Variants in PADI1 observed in about 807,000 individuals in gnomAD.
The protein encoded by PADI1 is peptidyl arginine deiminase 1.
PADI1 carries 65 observed loss-of-function variants against 74.8 expected under a neutral mutation model. That is an observed-to-expected ratio of 0.87 (90% CI 0.71 to 1.07). The LOEUF (loss-of-function observed/expected upper bound fraction) is 1.07, where lower values mean the gene tolerates loss of function less well. Ranked by LOEUF, PADI1 falls within the 50% of genes least tolerant of loss-of-function variation. The probability of loss-of-function intolerance (pLI) is 0.00; values close to 1 mark genes in which losing one functional copy is unlikely to be tolerated. For missense variants in PADI1, 943 were observed against 854.0 expected, an observed-to-expected ratio of 1.10 and a Z score of -1.30; for synonymous variants, 371 against 336.2, an observed-to-expected ratio of 1.10 and a Z score of -1.13.
intron 2 of PADI1, chr1:17,223,412 G>C: frequency 1.7e-6 from 1 of 576,342 alleles, no homozygotes; most frequent in South Asian, 2.0e-5. Context: ...ACCTGCTCTG[G>C]GAACCAAGGT....
In PADI1 at chr1:17,238,841, C is replaced by T. The variant is rs1373846525; in HGVS notation, c.1552+132C>T. On this transcript the variant is annotated intron_variant, in intron 13 of 15. Coordinates refer to ENST00000375471, the MANE Select transcript of PADI1 (RefSeq NM_013358.3). Reference sequence around the variant, plus strand: ...CACCCACTCTCTGTTTCTTGGGTCCCCAGGTCCTCTGATGGGTGGGGGAGT... The same window carrying T: ...CACCCACTCTCTGTTTCTTGGGTCCTCAGGTCCTCTGATGGGTGGGGGAGT... 5.1e-5 allele frequency: 23 copies of T among 450,644 alleles called. No individual in the cohort carries two copies. The South Asian group carries it at 1.6e-3, about 31-fold the overall frequency. The allele number at this position is 450,644 out of a possible 1,614,324, so 27.9% of individuals were successfully genotyped here.
chr1:17,232,977 G>T lies in PADI1; in HGVS notation c.1313+7G>T. On this transcript the variant is annotated splice_region_variant and intron_variant, in intron 11 of 15. Transcript: ENST00000375471. The stretch of plus-strand genomic sequence containing the variant: ...TCGGGAGCAGCTTCCCCAAGTGAGG[G>T]GCTGGGGCGGGAGGTGGGGAGGCAC... 6.3e-7 allele frequency: 1 copy of T among 1,594,946 alleles called. No individual in the cohort carries two copies.
intron 7 of PADI1, 61 bp downstream of exon 7, chr1:17,228,858 G>C: frequency 3.8e-6 from 6 of 1,598,230 alleles, no homozygotes; most frequent in South Asian, 3.3e-5. Flanking sequence ...CAGTTTGCAG[G>C]CTCCAGGGCT....
At position 17,206,688 on chromosome 1, in the gene PADI1, T is replaced by C. The variant is rs1262382457; in HGVS notation, c.92+1379T>C. On this transcript the variant is annotated intron_variant, in intron 1 of 15. Transcript: ENST00000375471. ...GAAGTCTTTTTTTTCTTTTTCTTTTTTTTTTTTTTTTTTTTTGAGATGGAG... is the reference window on the plus strand; with the variant it reads ...GAAGTCTTTTTTTTCTTTTTCTTTTCTTTTTTTTTTTTTTTTGAGATGGAG... Among the ~76,000 whole-genome samples, 63 of 129,528 alleles carry C rather than the reference T, an allele frequency of 4.9e-4. No homozygotes were observed. In the Middle Eastern group the frequency reaches 0.011, roughly 22 times the overall value. The allele number at this position is 129,528 out of a possible 152,430, so 85.0% of individuals were successfully genotyped here.
chr1:17,207,250 C>G (rs1445652194), intron 1 of PADI1, among the ~76,000 whole-genome samples: 2 of 152,144 alleles, frequency 1.3e-5, no homozygotes, highest in Non-Finnish European at 2.9e-5. Flanking sequence ...GTCACTTGTC[C>G]TCTCTGGGTT....
intron 1 of PADI1, 40 bp downstream of exon 1, chr1:17,205,349 G>A (rs1185336282): frequency 6.5e-7 from 1 of 1,538,380 alleles, no homozygotes; most frequent in African/African-American, 1.4e-5. Flanking sequence ...CAGAGAGCTG[G>A]GTTAGAGTGT....
At chr1:17,233,041 A>C (rs2072541384) in intron 11 of PADI1, 71 bp downstream of exon 11, 2 of 1,347,822 alleles carry the variant, frequency 1.5e-6, no homozygotes, top group South Asian at 2.9e-5. Flanking sequence ...CTGTGCCCCC[A>C]TCACAAACAC....
intron 9 of PADI1, 45 bp downstream of exon 9, chr1:17,230,253 G>C (rs1173583075): frequency 6.3e-7 from 1 of 1,594,804 alleles, no homozygotes; most frequent in East Asian, 2.2e-5. Context: ...CTGGCTTGGG[G>C]AAAGGGAAGC....
intron 1 of PADI1, among the ~76,000 whole-genome samples, chr1:17,206,686 T>C (rs56339839): frequency 0.14 from 13,331 of 97,514 alleles, 424 homozygotes; most frequent in Middle Eastern, 0.17. Context: ...TCTTTTTCTT[T>C]TTTTTTTTTT....
intron 1 of PADI1, among the ~76,000 whole-genome samples, chr1:17,209,879 C>T (rs892827962): frequency 3.9e-5 from 6 of 152,076 alleles, no homozygotes; most frequent in African/African-American, 1.4e-4. Flanking sequence ...GAGATGGAGT[C>T]TCACTCTGTT....
At chr1:17,230,422 G>A (rs922699373) in intron 9 of PADI1, 150 bp from the exon 10 acceptor site, 8 of 720,542 alleles carry the variant, frequency 1.1e-5, no homozygotes, top group Admixed American at 2.9e-5. Flanking sequence ...CCTGGCTGGG[G>A]TCCTAAGAGG....
intron 11 of PADI1, among the ~76,000 whole-genome samples, chr1:17,235,334 G>T (rs2072616365): frequency 6.6e-6 from 1 of 151,922 alleles, no homozygotes; most frequent in Non-Finnish European, 1.5e-5. Flanking sequence ...AGTGGACCAT[G>T]TTGCAGGCAG....
Position 17,223,607 on chromosome 1 carries a change from G to A in PADI1, c.274-14G>A. The A allele has an allele frequency of 6.2e-7, 1 of 1,610,618 alleles. No homozygotes were observed. Among genetic ancestry groups the A allele is most frequent in the South Asian group, 1.1e-5 (1 of 91,032 alleles). On this transcript the variant is annotated splice_polypyrimidine_tract_variant and intron_variant, in intron 2 of 15. Coordinates refer to ENST00000375471, the MANE Select transcript of PADI1 (RefSeq NM_013358.3). ...AAGGTGATGGCCGTGCAGGCTTAGG[G>A]CTATGTTCTGCAGGTGAGGGTCTCC...
rs764817357 is a variant in PADI1, at chr1:17,244,104, C to T, written c.1853C>T (p.Ser618Phe). 2 of 1,614,238 alleles carry T rather than the reference C, an allele frequency of 1.2e-6. No individual in the cohort carries two copies. Among genetic ancestry groups the T allele is most frequent in the Non-Finnish European group, 8.5e-7 (1 of 1,180,020 alleles). ...GRCCLEEKVQSLLEPLGLHCI... is the reference protein window; with the variant it reads ...GRCCLEEKVQFLLEPLGLHCI... ...TGCTGCCTGGAGGAGAAGGTGCAGT[C>T]CCTGCTGGAGCCTCTGGGCCTGCAC... The change falls in exon 16 of 16, where the codon TCC becomes TTC. Residue 618 changes from serine (S) to phenylalanine (F), a missense_variant. Coordinates refer to ENST00000375471, the MANE Select transcript of PADI1 (RefSeq NM_013358.3).
At chr1:17,229,138 CACCG>C (rs2072414609) in intron 8 of PADI1, 87 bp downstream of exon 8, 1 of 805,536 alleles carries the variant, frequency 1.2e-6, no homozygotes, top group Non-Finnish European at 2.0e-6. Flanking sequence ...CCCTCACTCA[CACCG>C]ACGGATTCAT....
At chr1:17,221,544 G>T (rs1202015246) in intron 1 of PADI1, among the ~76,000 whole-genome samples, 1 of 151,994 alleles carries the variant, frequency 6.6e-6, no homozygotes, top group Non-Finnish European at 1.5e-5. Flanking sequence ...TGGGCAAGGT[G>T]CAGCATTAAA....
At position 17,238,574 on chromosome 1, in the gene PADI1, G is replaced by A. The variant is rs9919187; in HGVS notation, c.1459-42G>A. 2.7e-4 allele frequency: 323 copies of A among 1,178,414 alleles called. No homozygotes were observed. The African/African-American group carries it at 4.2e-3, about 15-fold the overall frequency. The allele number at this position is 1,178,414 out of a possible 1,614,324, so 73.0% of individuals were successfully genotyped here. On this transcript the variant is annotated intron_variant, in intron 12 of 15. Coordinates refer to ENST00000375471, the MANE Select transcript of PADI1 (RefSeq NM_013358.3). ...GAGTCTGGGGTCTCCTGTGTCTAAG[G>A]GGACCCTGTCCACTGAGCCATTCTC... is the stretch of plus-strand genomic sequence containing the variant.
Position 17,233,633 on chromosome 1 carries a change from G to T in PADI1, c.1313+663G>T, listed in dbSNP as rs148194918. On this transcript the variant is annotated intron_variant, in intron 11 of 15. Transcript: ENST00000375471. ...CAAAGAATGACGTGTGCAGTTCAGG[G>T]TCCTGGTGGGTCCCCCTGTTTCCTC... Among the ~76,000 whole-genome samples, 77 of 152,366 alleles carry T rather than the reference G, an allele frequency of 5.1e-4. 1 individual carries two copies. In the East Asian group the frequency reaches 0.012, roughly 24 times the overall value.
Position 17,244,860 on chromosome 1 carries a change from A to C in PADI1, c.*617A>C, listed in dbSNP as rs74678572. 5.9e-6 allele frequency: 1 copy of C among 169,452 alleles called. No individual in the cohort carries two copies. Among genetic ancestry groups the C allele is most frequent in the African/African-American group, 2.4e-5 (1 of 41,672 alleles). The allele number at this position is 169,452 out of a possible 1,614,324, so 10.5% of individuals were successfully genotyped here. On this transcript the variant is annotated 3_prime_UTR_variant, in exon 16 of 16. Coordinates refer to ENST00000375471, the MANE Select transcript of PADI1 (RefSeq NM_013358.3). ...CAAGGGCCAATTTAAATAGAAAAAA[A>C]GACAACAAAATTTTAATAGCTGACT...
Sources: gnomAD v4.1 joint callset for allele counts (sites outside exome capture counted in the v4.1 genomes callset) on GRCh38, gnomAD v4.1.1 for gene constraint, MANE v1.5 for transcripts, NCBI Gene and HGNC (gene_info 2026-07-23, HGNC 2026-07-21) for gene names.